ADK: variants seen among roughly 807,000 people sequenced by gnomAD.
The protein encoded by ADK is adenosine kinase, also known as N6,N6-dimethyladenosine kinase.
ADK carries 24 observed loss-of-function variants against 44.7 expected under a neutral mutation model. The observed-to-expected ratio is 0.54, with a 90% CI of 0.39 to 0.76. The LOEUF (loss-of-function observed/expected upper bound fraction) is 0.76. Among genes scored for constraint, ADK ranks in the 30% least tolerant of loss-of-function variants. The pLI is 0.00. For missense variants in ADK, 321 were observed against 425.1 expected, an observed-to-expected ratio of 0.76 and a Z score of 2.15; for synonymous variants, 128 against 142.6, an observed-to-expected ratio of 0.90 and a Z score of 0.73.
At chr10:74,160,944 A>G (rs1432743346) in intron 1 of ADK, among the ~76,000 whole-genome samples, 2 of 151,956 alleles carry the variant, frequency 1.3e-5, no homozygotes, top group African/African-American at 2.4e-5. Flanking sequence ...CTTCCAAAAA[A>G]CCCGACAACC....
At chr10:74,158,386 A>G (rs1466295140) in intron 1 of ADK, among the ~76,000 whole-genome samples, 1 of 152,204 alleles carries the variant, frequency 6.6e-6, no homozygotes, top group Non-Finnish European at 1.5e-5. Flanking sequence ...ATTGTAGGCT[A>G]TAATCTTTTA....
chr10:74,453,010 C>T (rs1407585565), intron 6 of ADK, among the ~76,000 whole-genome samples: 2 of 151,958 alleles, frequency 1.3e-5, no homozygotes, highest in Admixed American at 6.6e-5. Context: ...AAATTATCCT[C>T]ATTTTGCAGT....
intron 1 of ADK, among the ~76,000 whole-genome samples, chr10:74,181,471 T>TTGGGAAA (rs1467243643): frequency 3.3e-5 from 5 of 152,214 alleles, no homozygotes; most frequent in African/African-American, 1.2e-4. Flanking sequence ...TGGTCTTCAT[T>TTGGGAAA]TGGGAAATGA....
At chr10:74,294,700 A>G (rs1373034102) in intron 3 of ADK, among the ~76,000 whole-genome samples, 1 of 152,196 alleles carries the variant, frequency 6.6e-6, no homozygotes, top group Non-Finnish European at 1.5e-5. Flanking sequence ...GTGGTATATC[A>G]TTGTAGTTTT....
intron 4 of ADK, among the ~76,000 whole-genome samples, chr10:74,328,010 G>C (rs1183550513): frequency 1.3e-5 from 2 of 152,152 alleles, no homozygotes; most frequent in African/African-American, 2.4e-5. Flanking sequence ...CCGGGTTCAA[G>C]CGATTCTCAT....
chr10:74,345,218 T>C (rs1841723024), intron 4 of ADK, among the ~76,000 whole-genome samples: 1 of 152,226 alleles, frequency 6.6e-6, no homozygotes, highest in South Asian at 2.1e-4. Flanking sequence ...TTTCATCTAA[T>C]AAATAATCTA....
chr10:74,163,103 A>G (rs1477265148), intron 1 of ADK, among the ~76,000 whole-genome samples: 3 of 151,930 alleles, frequency 2.0e-5, no homozygotes, highest in Non-Finnish European at 2.9e-5. Context: ...AGTAGCTGGG[A>G]CTACAGGTGC....
At chr10:74,649,567 G>A (rs751678510) in intron 9 of ADK, among the ~76,000 whole-genome samples, 4 of 152,002 alleles carry the variant, frequency 2.6e-5, no homozygotes, top group African/African-American at 9.7e-5. Flanking sequence ...TGAGGCTGCA[G>A]TGAGTCTTGA....
In ADK at chr10:74,527,439, A is replaced by G. The variant is rs151266970; in HGVS notation, c.726+2013A>G. 4,674 of 484,548 alleles carry G rather than the reference A, an allele frequency of 9.6e-3. 49 individuals are homozygous for G. Among genetic ancestry groups the G allele is most frequent in the Non-Finnish European group, 0.013 (3,543 of 265,848 alleles). The allele number at this position is 484,548 out of a possible 1,614,324, so 30.0% of individuals were successfully genotyped here. A position where few individuals can be genotyped will look rare whatever the true frequency, so the allele number is the denominator to read the frequency against. Reference sequence around the variant, plus strand: ...TTGGAAGTAAAGAAAGCTTAGGGAGATTGAATGCCATAAAAAATGCTATTT... The same window carrying G: ...TTGGAAGTAAAGAAAGCTTAGGGAGGTTGAATGCCATAAAAAATGCTATTT... On this transcript the variant is annotated intron_variant, in intron 7 of 10. Coordinates refer to ENST00000539909, the MANE Select transcript of ADK (RefSeq NM_006721.4).
intron 9 of ADK, among the ~76,000 whole-genome samples, chr10:74,626,721 G>T (rs191917508): frequency 6.6e-6 from 1 of 152,290 alleles, no homozygotes; most frequent in East Asian, 1.9e-4. Context: ...GCATTTTAAT[G>T]AAGGAATTAT....
At chr10:74,566,201 C>CTTTTTTTTTT (rs772254919) in intron 7 of ADK, among the ~76,000 whole-genome samples, 9 of 114,000 alleles carry the variant, frequency 7.9e-5, no homozygotes, top group African/African-American at 2.9e-4. Context: ...CTCTCTCTCT[C>CTTTTTTTTTT]TTTTTTTTTT....
intron 4 of ADK, among the ~76,000 whole-genome samples, chr10:74,338,132 C>CAAA (rs1178835743): frequency 6.6e-6 from 1 of 151,766 alleles, no homozygotes; most frequent in African/African-American, 2.4e-5. Context: ...ACAACAACAA[C>CAAA]AACAAAAACT....
chr10:74,628,405 G>C (rs905243753), intron 9 of ADK, among the ~76,000 whole-genome samples: 1 of 151,938 alleles, frequency 6.6e-6, no homozygotes, highest in Non-Finnish European at 1.5e-5. Context: ...TTAGATTAAT[G>C]GTCCAGGAAT....
intron 1 of ADK, among the ~76,000 whole-genome samples, chr10:74,166,056 C>A (rs1407605928): frequency 6.6e-6 from 1 of 152,164 alleles, no homozygotes; most frequent in African/African-American, 2.4e-5. Context: ...TCTCCTGACT[C>A]AGCCTCCCAA....
At chr10:74,619,511 A>G (rs1852904349) in intron 9 of ADK, among the ~76,000 whole-genome samples, 1 of 151,800 alleles carries the variant, frequency 6.6e-6, no homozygotes, top group Non-Finnish European at 1.5e-5. Flanking sequence ...TTTATTTTCT[A>G]AAGTATCTGA....
chr10:74,371,564 G>T, intron 4 of ADK: 1 of 1,192,868 alleles, frequency 8.4e-7, no homozygotes. Flanking sequence ...TCCTGCAAAT[G>T]AAGGAGGAGG....
chr10:74,250,452 G>C (rs1845607162), intron 3 of ADK, among the ~76,000 whole-genome samples: 1 of 152,132 alleles, frequency 6.6e-6, no homozygotes, highest in Non-Finnish European at 1.5e-5. Context: ...CATGGAGGGA[G>C]AGGTAAAAGA....
chr10:74,241,897 A>T (rs1845223351), intron 3 of ADK, among the ~76,000 whole-genome samples: 2 of 152,214 alleles, frequency 1.3e-5, no homozygotes, highest in African/African-American at 4.8e-5. Context: ...CTTCTAAAGT[A>T]TAGATGTATA....
chr10:74,233,892 T>C (rs1844869863), intron 3 of ADK, among the ~76,000 whole-genome samples: 1 of 152,208 alleles, frequency 6.6e-6, no homozygotes, highest in Non-Finnish European at 1.5e-5. Flanking sequence ...CCTAGAAACT[T>C]TATTCAGAGC....
Sources: allele counts gnomAD v4.1 joint callset (sites outside exome capture counted in the v4.1 genomes callset), GRCh38; gene constraint gnomAD v4.1.1; transcripts MANE v1.5; gene names NCBI Gene and HGNC (gene_info 2026-07-23, HGNC 2026-07-21).